TANC2: variants seen among roughly 807,000 people sequenced by gnomAD.
TANC2 encodes the protein protein TANC2.
Under a neutral mutation model 210.5 loss-of-function variants are expected in TANC2, and 26 were observed. That is an observed-to-expected ratio of 0.12 (90% confidence interval 0.09 to 0.17). TANC2 has a LOEUF of 0.17. Ranked by LOEUF, TANC2 falls within the 10% of genes least tolerant of loss-of-function variation. TANC2 has a pLI of 1.00. For missense variants in TANC2, 2,129 were observed against 2,608.9 expected (o/e 0.82, Z 4.01); for synonymous variants, 931 against 967.1 (o/e 0.96, Z 0.69).
chr17:62,989,602 T>C (rs1234936849), intron 1 of TANC2, among the ~76,000 whole-genome samples: 1 of 152,158 alleles, frequency 6.6e-6, no homozygotes, highest in South Asian at 2.1e-4. Flanking sequence ...GTGGTAGTTC[T>C]ATGTATTCTT....
chr17:63,019,194 TTGTCACTATTTTTAA>T (rs2143970727), intron 2 of TANC2, among the ~76,000 whole-genome samples: 1 of 152,234 alleles, frequency 6.6e-6, no homozygotes, highest in South Asian at 2.1e-4. Flanking sequence ...GCATTTGGTC[TTGTCACTATTTTTAA>T]TGTTATTTAT....
chr17:63,279,051 G>A (rs2146337830), intron 9 of TANC2, among the ~76,000 whole-genome samples: 1 of 152,222 alleles, frequency 6.6e-6, no homozygotes, highest in Non-Finnish European at 1.5e-5. Flanking sequence ...TAGCCATGCT[G>A]TACTATTCAC....
intron 9 of TANC2, among the ~76,000 whole-genome samples, chr17:63,278,967 C>G (rs1417536445): frequency 6.6e-6 from 1 of 152,024 alleles, no homozygotes; most frequent in Non-Finnish European, 1.5e-5. Context: ...AGTTCCTGTT[C>G]AATGGGTATA....
In TANC2 at chr17:63,119,864, T is replaced by A. The variant is rs531648176; in HGVS notation, c.322+20507T>A. Among the ~76,000 whole-genome samples, 69 of 151,964 alleles carry A rather than the reference T, an allele frequency of 4.5e-4. 1 individual carries two copies. The South Asian group carries it at 0.013, about 28-fold the overall frequency. On this transcript the variant is annotated intron_variant, in intron 4 of 27. Transcript: ENST00000689528. ...ACCCCATCTCTACAAATAATTTTTT[T>A]AAAAAATTAGCCAGGCATGATTGCA...
chr17:63,213,295 G>T (rs538503559), intron 7 of TANC2, among the ~76,000 whole-genome samples: 59 of 152,252 alleles, frequency 3.9e-4, no homozygotes, highest in African/African-American at 1.2e-3. Flanking sequence ...AGAAGCATCT[G>T]CTAGGACACA....
At chr17:63,141,796 T>TA (rs972561417) in intron 4 of TANC2, among the ~76,000 whole-genome samples, 6 of 152,040 alleles carry the variant, frequency 3.9e-5, no homozygotes, top group African/African-American at 7.2e-5. Flanking sequence ...ATACTCATTT[T>TA]AAAAAAAATT....
chr17:63,294,400 G>T (rs1002380789), intron 9 of TANC2, among the ~76,000 whole-genome samples: 1 of 152,008 alleles, frequency 6.6e-6, no homozygotes, highest in East Asian at 1.9e-4. Flanking sequence ...CTTGAGCCTG[G>T]GAGGTTGAGA....
At chr17:63,379,881 CT>C (rs1470618912) in intron 15 of TANC2, 55 bp downstream of exon 15, 2 of 1,434,860 alleles carry the variant, frequency 1.4e-6, no homozygotes, top group Non-Finnish European at 1.9e-6. Flanking sequence ...CTTTCATATG[CT>C]TTATGTAAGA....
At chr17:63,150,770 A>G (rs2039622347) in intron 4 of TANC2, 1 of 152,236 alleles carries the variant, frequency 6.6e-6, no homozygotes, top group Non-Finnish European at 1.5e-5. Context: ...GTATTAGAGT[A>G]GTTATTTCTG....
At chr17:63,382,386 A>T (rs963546320) in intron 15 of TANC2, among the ~76,000 whole-genome samples, 3 of 152,200 alleles carry the variant, frequency 2.0e-5, no homozygotes, top group Non-Finnish European at 2.9e-5. Context: ...AAAAAGATCA[A>T]AGCTACCAAG....
At chr17:63,280,667 ACTT>A (rs2044032819) in intron 9 of TANC2, among the ~76,000 whole-genome samples, 1 of 151,960 alleles carries the variant, frequency 6.6e-6, no homozygotes, top group Non-Finnish European at 1.5e-5. Flanking sequence ...TACATCTGTT[ACTT>A]CTTTGTCTGA....
chr17:63,340,801 G>C (rs527753083), intron 12 of TANC2, among the ~76,000 whole-genome samples: 52 of 152,260 alleles, frequency 3.4e-4, no homozygotes, highest in African/African-American at 1.2e-3. Context: ...TCATTTAACT[G>C]TACACTTTAA....
intron 12 of TANC2, among the ~76,000 whole-genome samples, chr17:63,349,391 A>G (rs1369540174): frequency 6.6e-6 from 1 of 152,194 alleles, no homozygotes; most frequent in African/African-American, 2.4e-5. Context: ...CAACAGATGC[A>G]TTATCATCAG....
intron 9 of TANC2, among the ~76,000 whole-genome samples, chr17:63,308,895 T>G (rs2045018816): frequency 6.6e-6 from 1 of 152,172 alleles, no homozygotes; most frequent in Admixed American, 6.5e-5. Context: ...TTTAAAAAAA[T>G]TATAATTAAA....
At chr17:63,232,807 G>A (rs1179006396) in intron 7 of TANC2, among the ~76,000 whole-genome samples, 1 of 152,242 alleles carries the variant, frequency 6.6e-6, no homozygotes, top group Non-Finnish European at 1.5e-5. Context: ...GCACTGGGGG[G>A]AATCCCACTT....
chr17:63,249,822 A>G (rs2043008418), intron 8 of TANC2, among the ~76,000 whole-genome samples: 1 of 152,198 alleles, frequency 6.6e-6, no homozygotes, highest in African/African-American at 2.4e-5. Flanking sequence ...GTGTCATTCC[A>G]GGTTCCTTGC....
At chr17:63,035,191 C>G (rs1374194358) in intron 2 of TANC2, among the ~76,000 whole-genome samples, 1 of 152,176 alleles carries the variant, frequency 6.6e-6, no homozygotes, top group Non-Finnish European at 1.5e-5. Flanking sequence ...GACCCTCCAC[C>G]AGCAAAAAGA....
At chr17:63,426,781 TGTGGAAC>T in exon 28 of TANC2, 1 of 152,388 alleles carries the variant, frequency 6.6e-6, no homozygotes, top group East Asian at 1.9e-4. Context: ...AGACCTACTC[TGTGGAAC>T]GGAAGTGCCC....
intron 5 of TANC2, among the ~76,000 whole-genome samples, chr17:63,191,565 C>T (rs903442188): frequency 5.9e-5 from 9 of 151,980 alleles, no homozygotes; most frequent in Non-Finnish European, 5.9e-5. Context: ...TGGGTTCAAG[C>T]AGTTCTCCTG....
Sources: allele counts gnomAD v4.1 joint callset (sites outside exome capture counted in the v4.1 genomes callset), GRCh38; gene constraint gnomAD v4.1.1; transcripts MANE v1.5; gene names NCBI Gene and HGNC (gene_info 2026-07-23, HGNC 2026-07-21).